MYO3A: variants seen among roughly 807,000 people sequenced by gnomAD.
MYO3A encodes myosin-IIIa.
In MYO3A, 180 loss-of-function variants were observed where a neutral mutation model predicts 192.7. The observed-to-expected ratio is 0.93, with a 90% CI of 0.83 to 1.06. The LOEUF (loss-of-function observed/expected upper bound fraction) is 1.06. Ranked by LOEUF, MYO3A falls within the 50% of genes least tolerant of loss-of-function variation. MYO3A has a pLI of 0.00. For missense variants in MYO3A, 1,896 were observed against 1,905.0 expected, an observed-to-expected ratio of 1.00 and a Z score of 0.09; for synonymous variants, 628 against 645.3, an observed-to-expected ratio of 0.97 and a Z score of 0.41.
chr10:25,997,049 A>T, intron 5 of MYO3A, 110 bp from the exon 6 acceptor site: 1 of 793,052 alleles, frequency 1.3e-6, no homozygotes, highest in Non-Finnish European at 2.1e-6. Context: ...GAGTGTCTGA[A>T]TGTTAATTTT....
chr10:25,967,645 A>G (rs948263197), intron 4 of MYO3A, among the ~76,000 whole-genome samples: 3 of 152,234 alleles, frequency 2.0e-5, no homozygotes, highest in Admixed American at 1.3e-4. Flanking sequence ...ACCCAGAAGT[A>G]ACAGAGATGT....
Position 26,016,883 on chromosome 10 carries a change from G to T in MYO3A, c.572G>T (p.Trp191Leu), listed in dbSNP as rs1165683221. ...RRNTSVGTPF[W>L]MAPEVIACEQ... ...AACACATCCGTAGGAACACCGTTTT[G>T]GATGGCTCCTGAGGTCAGATAGAGT... The change falls in exon 7 of 35, where the codon TGG becomes TTG. Residue 191 changes from tryptophan to leucine, a missense_variant. Physicochemically the swap from Trp to Leu is moderately conservative, Grantham distance 61. Transcript: ENST00000642920. The T allele has an allele frequency of 1.2e-6, 2 of 1,614,046 alleles. No homozygotes were observed. Among genetic ancestry groups the T allele is most frequent in the Non-Finnish European group, 1.7e-6 (2 of 1,180,002 alleles).
rs896100574 is a variant in MYO3A at position 26,174,052 on chromosome 10, T to C, written c.3788T>C (p.Ile1263Thr). ...SKAAYLERKA[I>T]SERPSYPVPW... ...GCAGCATATCTAGAAAGGAAGGCCA[T>C]ATCAGAAAGGCCAAGCTACCCAGTG... The change falls in exon 30 of 35, where the codon ATA becomes ACA. Residue 1263 changes from isoleucine (I) to threonine (T), a missense_variant. Ile to Thr is a moderately conservative substitution (Grantham distance 89, BLOSUM62 -1). Coordinates refer to ENST00000642920, the MANE Select transcript of MYO3A (RefSeq NM_017433.5). The C allele has an allele frequency of 1.9e-6, 3 of 1,613,850 alleles. No homozygotes were observed. The African/African-American group carries it at 4.0e-5, about 22-fold the overall frequency.
chr10:25,994,846 T>A (rs1018852931), intron 4 of MYO3A, among the ~76,000 whole-genome samples: 3 of 152,158 alleles, frequency 2.0e-5, no homozygotes, highest in African/African-American at 7.2e-5. Context: ...CCCCCACTCT[T>A]TTCTGGCTTG....
At chr10:26,015,953 G>T (rs2131040966) in intron 6 of MYO3A, among the ~76,000 whole-genome samples, 1 of 152,182 alleles carries the variant, frequency 6.6e-6, no homozygotes, top group African/African-American at 2.4e-5. Context: ...TGTGACTTTG[G>T]GGAGGCACTT....
At chr10:25,943,537 GTTCT>G (rs1836639720) in intron 2 of MYO3A, among the ~76,000 whole-genome samples, 1 of 151,966 alleles carries the variant, frequency 6.6e-6, no homozygotes. Flanking sequence ...TTATTTGTGT[GTTCT>G]TTAATTTCTT....
rs576752112 is a variant in MYO3A at position 26,179,929 on chromosome 10, G to A, written c.4438+3084G>A. Among the ~76,000 whole-genome samples, 20 of 152,320 alleles carry A rather than the reference G, an allele frequency of 1.3e-4. 1 individual carries two copies. The highest frequency in any genetic ancestry group is 1.2e-3 in the Admixed American group (18 of 15,308). ...GCTCACTGCCACCTCTGCCTGCTGGGTTCAAGTGATTCTCATGCCTCAGCC... is the reference window on the plus strand; with the variant it reads ...GCTCACTGCCACCTCTGCCTGCTGGATTCAAGTGATTCTCATGCCTCAGCC... On this transcript the variant is annotated intron_variant, in intron 31 of 34. Coordinates refer to ENST00000642920, the MANE Select transcript of MYO3A (RefSeq NM_017433.5).
rs192625434 is a variant in MYO3A at position 25,943,547 on chromosome 10, T to C, written c.-18+7717T>C. Among the ~76,000 whole-genome samples, 19 of 152,250 alleles carry C rather than the reference T, an allele frequency of 1.2e-4. No individual in the cohort carries two copies. In the East Asian group the frequency reaches 3.3e-3, roughly 26 times the overall value. ...TCCATTTATTTGTGTGTTCTTTAAT[T>C]TCTTTCAGCAATGTTTGTACTTTTC... On this transcript the variant is annotated intron_variant, in intron 2 of 34. Transcript: ENST00000642920.
At chr10:26,107,406 G>A (rs554012568) in intron 17 of MYO3A, among the ~76,000 whole-genome samples, 14 of 150,880 alleles carry the variant, frequency 9.3e-5, no homozygotes, top group East Asian at 5.9e-4. Context: ...ACTTGAACCC[G>A]GGAAGCAGAG....
At chr10:26,010,452 T>C (rs1452856067) in intron 6 of MYO3A, among the ~76,000 whole-genome samples, 19 of 124,104 alleles carry the variant, frequency 1.5e-4, no homozygotes, top group African/African-American at 5.4e-4. Context: ...AAGTAGTTGT[T>C]TTTTTTTTTT....
At chr10:26,118,088 G>C (rs1838626562) in intron 17 of MYO3A, among the ~76,000 whole-genome samples, 1 of 152,102 alleles carries the variant, frequency 6.6e-6, no homozygotes, top group South Asian at 2.1e-4. Context: ...TTTCTCTAAT[G>C]ATCAGTGACA....
chr10:25,973,768 C>G lies in MYO3A; in HGVS notation c.303+18760C>G, dbSNP rs545757224. 2.0e-5 allele frequency among the ~76,000 whole-genome samples: 3 copies of G among 152,158 alleles called. No homozygotes were observed. The South Asian group carries it at 6.2e-4, about 32-fold the overall frequency. ...ATATAGATCAATGGAACAGAACAGACACCTAAGAAATAACACCACACATGT... is the reference window on the plus strand; with the variant it reads ...ATATAGATCAATGGAACAGAACAGAGACCTAAGAAATAACACCACACATGT... On this transcript the variant is annotated intron_variant, in intron 4 of 34. Coordinates refer to ENST00000642920, the MANE Select transcript of MYO3A (RefSeq NM_017433.5).
At chr10:26,047,774 C>CAAAAAAAAAAAA (rs1423133061) in intron 10 of MYO3A, among the ~76,000 whole-genome samples, 1 of 151,272 alleles carries the variant, frequency 6.6e-6, no homozygotes, top group Admixed American at 6.6e-5. Flanking sequence ...GACTCCATCT[C>CAAAAAAAAAAAA]AATAAAAAAA....
At chr10:26,068,715 T>C (rs1309283812) in intron 11 of MYO3A, 53 bp from the exon 12 acceptor site, 1 of 1,183,328 alleles carries the variant, frequency 8.5e-7, no homozygotes, top group Admixed American at 1.7e-5. Flanking sequence ...TTTTAAATTG[T>C]AGTTGACCAC....
At chr10:26,083,840 A>T (rs1046231871) in intron 14 of MYO3A, among the ~76,000 whole-genome samples, 2 of 152,196 alleles carry the variant, frequency 1.3e-5, no homozygotes, top group African/African-American at 2.4e-5. Context: ...TTGCTTTTCT[A>T]TTGCCTAAGA....
chr10:26,166,307 G>C, intron 27 of MYO3A, 129 bp downstream of exon 27: 1 of 698,720 alleles, frequency 1.4e-6, no homozygotes, highest in South Asian at 1.6e-5. Context: ...AATAGAGGAA[G>C]TAAAGTTATA....
chr10:26,120,919 A>C (rs1838825307), intron 18 of MYO3A, 117 bp downstream of exon 18: 3 of 1,316,216 alleles, frequency 2.3e-6, no homozygotes, highest in Non-Finnish European at 3.2e-6. Flanking sequence ...TTAAAAGAAT[A>C]CTCAGATTTA....
intron 7 of MYO3A, among the ~76,000 whole-genome samples, chr10:26,020,529 A>G (rs1359957003): frequency 6.6e-6 from 1 of 152,192 alleles, no homozygotes; most frequent in Non-Finnish European, 1.5e-5. Flanking sequence ...TTCACTTTAT[A>G]TATCATTTTA....
chr10:26,173,571 C>T (rs1842160344), intron 29 of MYO3A, 92 bp from the exon 30 acceptor site: 2 of 1,194,350 alleles, frequency 1.7e-6, no homozygotes, highest in Non-Finnish European at 1.2e-6. Context: ...TTTTGCCTTT[C>T]TCCCACCGGT....
Sources: gnomAD v4.1 joint callset for allele counts (sites outside exome capture counted in the v4.1 genomes callset) on GRCh38, gnomAD v4.1.1 for gene constraint, MANE v1.5 for transcripts, NCBI Gene and HGNC (gene_info 2026-07-23, HGNC 2026-07-21) for gene names.